Variants in SLC71A1 observed in about 807,000 individuals in gnomAD.
The protein encoded by SLC71A1 is solute carrier family 71 member 1, also known as hippocampus abundant gene transcript 1.
chr1:100,073,568 A>G, the SLC71A1 span, among the ~76,000 whole-genome samples: 1 of 152,208 alleles, frequency 6.6e-6, no homozygotes, highest in African/African-American at 2.4e-5. Context: ...CAGCATCTCC[A>G]TCACACTGCC....
the SLC71A1 span, chr1:100,038,406 G>A: frequency 1.9e-6 from 2 of 1,063,974 alleles, no homozygotes; most frequent in South Asian, 1.4e-5. Flanking sequence ...TAGGCGTCCC[G>A]GTGCCTCCCT....
chr1:100,082,561 A>T, the SLC71A1 span: 1 of 230,706 alleles, frequency 4.3e-6, no homozygotes, highest in South Asian at 6.4e-5. Flanking sequence ...CTCTATGCTG[A>T]CTCAGTGAGA....
the SLC71A1 span, among the ~76,000 whole-genome samples, chr1:100,038,865 A>G: frequency 6.6e-6 from 1 of 152,266 alleles, no homozygotes; most frequent in Non-Finnish European, 1.5e-5. Context: ...GGCTGCTTAC[A>G]GTAAACCCTG....
chr1:100,041,954 GT>G, the SLC71A1 span, among the ~76,000 whole-genome samples: 5 of 151,844 alleles, frequency 3.3e-5, no homozygotes, highest in African/African-American at 1.2e-4. Flanking sequence ...TTAGTTACAG[GT>G]TTTCATGTAT....
the SLC71A1 span, among the ~76,000 whole-genome samples, chr1:100,056,375 AT>A: frequency 6.6e-6 from 1 of 152,212 alleles, no homozygotes; most frequent in Admixed American, 6.5e-5. Flanking sequence ...GTATAAATAC[AT>A]TTTCTTTATC....
At chr1:100,050,563 C>G in the SLC71A1 span, among the ~76,000 whole-genome samples, 4 of 152,022 alleles carry the variant, frequency 2.6e-5, no homozygotes, top group Non-Finnish European at 4.4e-5. Flanking sequence ...GAAGGACTAT[C>G]TATGGTAAAT....
chr1:100,051,219 T>C, the SLC71A1 span, among the ~76,000 whole-genome samples: 2,044 of 151,972 alleles, frequency 0.013, 18 homozygotes, highest in Middle Eastern at 0.058. Context: ...GGTGAAACCC[T>C]GTCTCTACTA....
At chr1:100,061,414 C>T in the SLC71A1 span, among the ~76,000 whole-genome samples, 2 of 152,020 alleles carry the variant, frequency 1.3e-5, no homozygotes, top group African/African-American at 4.8e-5. Context: ...TATATAGAGG[C>T]TCAAAATAAA....
chr1:100,054,252 C>A, the SLC71A1 span, among the ~76,000 whole-genome samples: 1 of 151,558 alleles, frequency 6.6e-6, no homozygotes, highest in Non-Finnish European at 1.5e-5. Flanking sequence ...TTCACTCTGT[C>A]GTCTAGGCTG....
At chr1:100,038,430 C>A in the SLC71A1 span, 1 of 851,168 alleles carries the variant, frequency 1.2e-6, no homozygotes, top group Non-Finnish European at 1.9e-6. Flanking sequence ...TTCCCCCACC[C>A]TGTCCGAGCT....
chr1:100,039,511 A>G, the SLC71A1 span, among the ~76,000 whole-genome samples: 1 of 152,232 alleles, frequency 6.6e-6, no homozygotes, highest in African/African-American at 2.4e-5. Flanking sequence ...CGTTTATTAT[A>G]TGTTATAGCT....
At chr1:100,080,459 G>T in the SLC71A1 span, 1 of 1,571,470 alleles carries the variant, frequency 6.4e-7, no homozygotes, top group Non-Finnish European at 8.7e-7. Flanking sequence ...AAAAAACCAG[G>T]TAGTTTACTA....
At chr1:100,078,571 T>A in the SLC71A1 span, 2 of 1,496,864 alleles carry the variant, frequency 1.3e-6, no homozygotes, top group Non-Finnish European at 1.9e-6. Flanking sequence ...GAACTAGCGA[T>A]AATTATTTAA....
the SLC71A1 span, chr1:100,050,011 A>T: frequency 7.0e-7 from 1 of 1,433,854 alleles, no homozygotes; most frequent in East Asian, 2.3e-5. Flanking sequence ...GGTGGTAAGT[A>T]ATCTTTTAAA....
At chr1:100,050,743 AC>A in the SLC71A1 span, among the ~76,000 whole-genome samples, 1 of 152,192 alleles carries the variant, frequency 6.6e-6, no homozygotes, top group African/African-American at 2.4e-5. Flanking sequence ...CATTTACAGT[AC>A]ATATTTCTTG....
At chr1:100,071,310 A>G in the SLC71A1 span, among the ~76,000 whole-genome samples, 1 of 150,244 alleles carries the variant, frequency 6.7e-6, no homozygotes, top group Non-Finnish European at 1.5e-5. Flanking sequence ...AAAAAAAAAA[A>G]AAAAAAGAAA....
chr1:100,067,351 T>G, the SLC71A1 span, among the ~76,000 whole-genome samples: 17 of 152,144 alleles, frequency 1.1e-4, no homozygotes, highest in Non-Finnish European at 1.8e-4. Context: ...TCAAAGGAAT[T>G]CTGCCACCTC....
At chr1:100,072,730 T>C in the SLC71A1 span, among the ~76,000 whole-genome samples, 3 of 152,216 alleles carry the variant, frequency 2.0e-5, no homozygotes, top group Non-Finnish European at 4.4e-5. Context: ...AAGTAGTTGC[T>C]GTCCCCTTTG....
the SLC71A1 span, among the ~76,000 whole-genome samples, chr1:100,063,847 C>T: frequency 2.6e-5 from 4 of 152,092 alleles, no homozygotes; most frequent in Admixed American, 6.5e-5. Context: ...TTTTTCTGAG[C>T]AGAAAGAAAT....
Sources: allele counts gnomAD v4.1 joint callset (sites outside exome capture counted in the v4.1 genomes callset), GRCh38; gene constraint gnomAD v4.1.1; transcripts MANE v1.5; gene names NCBI Gene and HGNC (gene_info 2026-07-23, HGNC 2026-07-21).